RCC2: variants seen among roughly 807,000 people sequenced by gnomAD.
RCC2 encodes protein RCC2.
RCC2 carries 19 observed loss-of-function variants against 64.1 expected under a neutral mutation model. The ratio of observed to expected loss-of-function variants is 0.30; its 90% CI spans 0.21 to 0.44. The LOEUF (loss-of-function observed/expected upper bound fraction) is 0.44. Ranked by LOEUF, RCC2 falls within the 20% of genes least tolerant of loss-of-function variation. The pLI is 1.00. For synonymous variants in RCC2, 325 were observed against 279.6 expected (o/e 1.16, Z -1.62); for missense variants, 508 against 710.4 (o/e 0.72, Z 3.24).
Position 17,420,588 on chromosome 1 carries a change from G to A in RCC2, c.859+126C>T, listed in dbSNP as rs181956856. The A allele has an allele frequency of 3.1e-5, 17 of 546,284 alleles. No individual in the cohort carries two copies. In the East Asian group the frequency reaches 3.6e-4, roughly 12 times the overall value. The allele number at this position is 546,284 out of a possible 1,614,324, so 33.8% of individuals were successfully genotyped here. A position where few individuals can be genotyped will look rare whatever the true frequency, so the allele number is the denominator to read the frequency against. On this transcript the variant is annotated intron_variant, in intron 7 of 12. Coordinates refer to ENST00000375436, the MANE Select transcript of RCC2 (RefSeq NM_018715.4). ...CTGCTGAACGTGAGATCCACTTAAC[G>A]GACAAAGGCTATTATCTGAGATCAA...
intron 4 of RCC2, among the ~76,000 whole-genome samples, chr1:17,424,446 A>C (rs570459387): frequency 5.9e-5 from 9 of 152,206 alleles, no homozygotes; most frequent in Non-Finnish European, 1.3e-4. Context: ...ACAAAGTAGG[A>C]GGGGTGCTCT....
At chr1:17,426,777 T>C (rs2075622071) in intron 3 of RCC2, among the ~76,000 whole-genome samples, 2 of 117,346 alleles carry the variant, frequency 1.7e-5, no homozygotes, top group Admixed American at 1.7e-4. Context: ...TTTTTTTTTT[T>C]TTTTTTTGAG....
chr1:17,439,087 C>T (rs1373791063), intron 1 of RCC2, among the ~76,000 whole-genome samples: 1 of 152,074 alleles, frequency 6.6e-6, no homozygotes, highest in African/African-American at 2.4e-5. Flanking sequence ...GTGCCGACCT[C>T]GGGCTCTAGT....
Position 17,413,782 on chromosome 1 carries a change from C to T in RCC2, c.1027-65G>A, listed in dbSNP as rs1225270296. 3.5e-6 allele frequency: 5 copies of T among 1,428,348 alleles called. No individual in the cohort carries two copies. In the South Asian group the frequency reaches 3.8e-5, roughly 11 times the overall value. The allele number at this position is 1,428,348 out of a possible 1,614,324, so 88.5% of individuals were successfully genotyped here. A position where few individuals can be genotyped will look rare whatever the true frequency, so the allele number is the denominator to read the frequency against. ...TCCAACAGGCAACAAGAGGGGTCAT[C>T]GTTTCTGTGCAGACAACCTGGTGCA... On this transcript the variant is annotated intron_variant, in intron 8 of 12. Coordinates refer to ENST00000375436, the MANE Select transcript of RCC2 (RefSeq NM_018715.4).
At position 17,407,490 on chromosome 1, in the gene RCC2, C is replaced by T. The variant is rs1260873076; in HGVS notation, c.*1600G>A. 1 of 152,426 alleles carries T rather than the reference C, an allele frequency of 6.6e-6. No individual in the cohort carries two copies. Among genetic ancestry groups the T allele is most frequent in the Non-Finnish European group, 1.5e-5 (1 of 68,062 alleles). The allele number at this position is 152,426 out of a possible 1,614,324, so 9.4% of individuals were successfully genotyped here. Reference sequence around the variant, plus strand: ...CCTGGACTACTGATTGAACACAGAACAAGAGATGCGCGTGGCGTCAGACTA... The same window carrying T: ...CCTGGACTACTGATTGAACACAGAATAAGAGATGCGCGTGGCGTCAGACTA... On this transcript the variant is annotated 3_prime_UTR_variant, in exon 13 of 13. Coordinates refer to ENST00000375436, the MANE Select transcript of RCC2 (RefSeq NM_018715.4).
chr1:17,426,540 C>A (rs1489092590), intron 3 of RCC2, among the ~76,000 whole-genome samples: 1 of 152,086 alleles, frequency 6.6e-6, no homozygotes, highest in Admixed American at 6.6e-5. Context: ...CTCTGCTCAG[C>A]CCTGCTCAGC....
intron 8 of RCC2, among the ~76,000 whole-genome samples, chr1:17,414,647 C>G (rs186713512): frequency 2.0e-5 from 3 of 152,016 alleles, no homozygotes; most frequent in Non-Finnish European, 4.4e-5. Context: ...TTTTCCCCCC[C>G]TCGAGAGGGT....
At chr1:17,429,293 C>A in intron 2 of RCC2, 94 bp from the exon 3 acceptor site, 1 of 965,650 alleles carries the variant, frequency 1.0e-6, no homozygotes, top group South Asian at 1.3e-5. Context: ...GAAAGAAAAT[C>A]ATTCAGTTAG....
chr1:17,435,843 G>T (rs1315992563), intron 2 of RCC2, among the ~76,000 whole-genome samples: 1 of 151,634 alleles, frequency 6.6e-6, no homozygotes, highest in African/African-American at 2.4e-5. Flanking sequence ...GCTTGAACCC[G>T]GGAGGCGGAG....
chr1:17,417,481 AAC>A (rs2075500625), intron 7 of RCC2, among the ~76,000 whole-genome samples: 7 of 152,210 alleles, frequency 4.6e-5, no homozygotes, highest in Admixed American at 3.9e-4. Context: ...CAGCCTGGCC[AAC>A]ACAGTGAAGG....
At chr1:17,433,505 T>C (rs1188011875) in intron 2 of RCC2, among the ~76,000 whole-genome samples, 2 of 152,196 alleles carry the variant, frequency 1.3e-5, no homozygotes, top group African/African-American at 2.4e-5. Flanking sequence ...CCTTCCCTGA[T>C]GGGCCTACGG....
At chr1:17,426,526 CCAG>C (rs1312003561) in intron 3 of RCC2, among the ~76,000 whole-genome samples, 1 of 152,178 alleles carries the variant, frequency 6.6e-6, no homozygotes, top group Non-Finnish European at 1.5e-5. Context: ...CTCCCCTGCC[CCAG>C]CTCTGCTCAG....
At chr1:17,427,618 G>A (rs558356423) in intron 3 of RCC2, among the ~76,000 whole-genome samples, 25 of 152,254 alleles carry the variant, frequency 1.6e-4, no homozygotes, top group East Asian at 1.4e-3. Context: ...ACCCTGTGCC[G>A]CAACACAGGA....
Position 17,438,313 on chromosome 1 carries a change from G to C in RCC2, c.202C>G (p.Arg68Gly). ...ELDGAPGGGK[R>G]AARPATAGKA... is the part of the protein sequence containing the mutation. The stretch of plus-strand genomic sequence containing the variant: ...CCTGCTGTCGCCGGCCGCGCCGCGC[G>C]CTTGCCCCCGCCGGGGGCCCCGTCG... Residue 68 changes from arginine (R) to glycine (G), a missense_variant, in exon 2 of 13, where the codon CGC becomes GGC. Around this residue, in one of 4 missense-constraint regions of RCC2, gnomAD observed 195 missense variants for 158.3 expected, o/e 1.23. Coordinates refer to ENST00000375436, the MANE Select transcript of RCC2 (RefSeq NM_018715.4). 2 of 1,236,718 alleles carry C rather than the reference G, an allele frequency of 1.6e-6. No homozygotes were observed. Among genetic ancestry groups the C allele is most frequent in the Non-Finnish European group, 2.0e-6 (2 of 982,750 alleles). The allele number at this position is 1,236,718 out of a possible 1,614,324, so 76.6% of individuals were successfully genotyped here. A position where few individuals can be genotyped will look rare whatever the true frequency, so the allele number is the denominator to read the frequency against.
intron 3 of RCC2, 67 bp from the exon 4 acceptor site, chr1:17,425,751 G>A: frequency 2.0e-6 from 3 of 1,508,472 alleles, no homozygotes; most frequent in Non-Finnish European, 1.8e-6. Flanking sequence ...AATGTCACTG[G>A]CCACCAAGCA....
In RCC2 at chr1:17,426,342, G is replaced by A. The variant is rs540178830; in HGVS notation, c.380-658C>T. Among the ~76,000 whole-genome samples, 23 of 152,068 alleles carry A rather than the reference G, an allele frequency of 1.5e-4. No individual in the cohort carries two copies. The East Asian group carries it at 3.7e-3, about 24-fold the overall frequency. On this transcript the variant is annotated intron_variant, in intron 3 of 12. Coordinates refer to ENST00000375436, the MANE Select transcript of RCC2 (RefSeq NM_018715.4). Reference sequence around the variant, plus strand: ...CCCACCTCCTGCTCCCTTCTCACCCGTCCAGTGTGACAGCCACTTCATGAC... The same window carrying A: ...CCCACCTCCTGCTCCCTTCTCACCCATCCAGTGTGACAGCCACTTCATGAC...
chr1:17,436,851 G>C (rs2075740276), intron 2 of RCC2, among the ~76,000 whole-genome samples: 1 of 152,182 alleles, frequency 6.6e-6, no homozygotes, highest in Admixed American at 6.5e-5. Flanking sequence ...CAAATGTCTG[G>C]AGTCTGGCAC....
At chr1:17,422,314 C>T (rs1433962364) in intron 5 of RCC2, 23 bp from the exon 6 acceptor site, 16 of 1,572,270 alleles carry the variant, frequency 1.0e-5, no homozygotes, top group Non-Finnish European at 1.3e-5. Flanking sequence ...AAAAATATCA[C>T]AAAAGGGAAG....
intron 1 of RCC2, among the ~76,000 whole-genome samples, chr1:17,438,728 A>T (rs1338404648): frequency 6.6e-6 from 1 of 151,996 alleles, no homozygotes; most frequent in African/African-American, 2.4e-5. Context: ...GGAATCCCGC[A>T]GGGCAGCCGG....
Sources: gnomAD v4.1 joint callset for allele counts (sites outside exome capture counted in the v4.1 genomes callset) on GRCh38, gnomAD v4.1.1 for gene constraint, gnomAD v4.1.1 regional missense constraint, MANE v1.5 for transcripts, NCBI Gene and HGNC (gene_info 2026-07-23, HGNC 2026-07-21) for gene names.